C16orf89: variants seen among roughly 807,000 people sequenced by gnomAD.
C16orf89 encodes chromosome 16 open reading frame 89, also known as UPF0764 protein C16orf89.
Under a neutral mutation model 41.5 loss-of-function variants are expected in C16orf89, and 57 were observed. The observed-to-expected ratio is 1.38, with a 90% CI of 1.11 to 1.71. The LOEUF (loss-of-function observed/expected upper bound fraction) is 1.71, where lower values mean the gene tolerates loss of function less well. C16orf89 is among the 40% of genes most tolerant of loss of function. The probability of loss-of-function intolerance (pLI) is 0.00; values close to 1 mark genes in which losing one functional copy is unlikely to be tolerated. For synonymous variants in C16orf89, 223 were observed against 190.6 expected, an observed-to-expected ratio of 1.17 and a Z score of -1.40; for missense variants, 575 against 445.9, an observed-to-expected ratio of 1.29 and a Z score of -2.61.
At chr16:5,044,577 T>G in intron 7 of C16orf89, 99 bp from the exon 8 acceptor site, 1 of 1,546,366 alleles carries the variant, frequency 6.5e-7, no homozygotes, top group Non-Finnish European at 8.7e-7. Flanking sequence ...ACGCGGTGGC[T>G]CACACCTATA....
rs868400538 is a variant in C16orf89, at chr16:5,062,660, G to A, written c.209-86C>T. ...GAACAAGAAAAAAAAATGCCCCAAA[G>A]TCTAATGCTTCCTGGGAGCCTCTCT... On this transcript the variant is annotated intron_variant, in intron 1 of 7. Coordinates refer to ENST00000472572, the MANE Select transcript of C16orf89 (RefSeq NM_001098514.3). 1.9e-5 allele frequency: 27 copies of A among 1,384,824 alleles called. No individual in the cohort carries two copies. In the South Asian group the frequency reaches 3.1e-4, roughly 16 times the overall value. The allele number at this position is 1,384,824 out of a possible 1,614,324, so 85.8% of individuals were successfully genotyped here. A position where few individuals can be genotyped will look rare whatever the true frequency, so the allele number is the denominator to read the frequency against.
chr16:5,063,947 T>C (rs530053995), intron 1 of C16orf89, among the ~76,000 whole-genome samples: 147 of 152,104 alleles, frequency 9.7e-4, no homozygotes, highest in Middle Eastern at 3.4e-3. Flanking sequence ...GCCAACATGG[T>C]AAAACCTCAT....
At chr16:5,062,195 C>T (rs934299643) in intron 2 of C16orf89, among the ~76,000 whole-genome samples, 6 of 152,194 alleles carry the variant, frequency 3.9e-5, no homozygotes, top group African/African-American at 7.2e-5. Flanking sequence ...AGAAGACACC[C>T]TGCTTCCTCT....
At chr16:5,059,784 A>G (rs1430373398) in intron 3 of C16orf89, among the ~76,000 whole-genome samples, 1 of 152,158 alleles carries the variant, frequency 6.6e-6, no homozygotes, top group East Asian at 1.9e-4. Flanking sequence ...TGTGGCTATA[A>G]GAGGTGCCAG....
At chr16:5,063,927 G>A (rs1054966414) in intron 1 of C16orf89, among the ~76,000 whole-genome samples, 3 of 152,128 alleles carry the variant, frequency 2.0e-5, no homozygotes, top group African/African-American at 7.2e-5. Context: ...AGGAGTTCAA[G>A]ACCAGCATGG....
At chr16:5,050,777 A>C (rs752851323) in intron 6 of C16orf89, among the ~76,000 whole-genome samples, 6 of 152,210 alleles carry the variant, frequency 3.9e-5, no homozygotes, top group African/African-American at 9.6e-5. Flanking sequence ...ACACATTAAA[A>C]ACCATTCATG....
At chr16:5,064,933 T>C (rs922045779) in intron 1 of C16orf89, among the ~76,000 whole-genome samples, 2 of 152,222 alleles carry the variant, frequency 1.3e-5, no homozygotes, top group Non-Finnish European at 2.9e-5. Context: ...GGCACTGAAG[T>C]ACCCCATGCA....
At chr16:5,048,978 C>T (rs576627286) in intron 6 of C16orf89, among the ~76,000 whole-genome samples, 1 of 152,090 alleles carries the variant, frequency 6.6e-6, no homozygotes, top group Non-Finnish European at 1.5e-5. Flanking sequence ...AAGAATCTCA[C>T]TTCACTGGTA....
At chr16:5,048,118 C>T (rs949670143) in intron 6 of C16orf89, among the ~76,000 whole-genome samples, 154 bp from the exon 7 acceptor site, 6 of 152,144 alleles carry the variant, frequency 3.9e-5, no homozygotes, top group African/African-American at 1.4e-4. Context: ...ACCTCGAACT[C>T]CCAAGCTCAC....
chr16:5,052,291 C>A (rs1224675366), intron 6 of C16orf89, among the ~76,000 whole-genome samples: 1 of 151,724 alleles, frequency 6.6e-6, no homozygotes, highest in East Asian at 1.9e-4. Flanking sequence ...TGGCTACTAT[C>A]AAAAAGACAA....
At chr16:5,058,469 G>C (rs773371565) in intron 4 of C16orf89, 24 bp downstream of exon 4, 2 of 1,559,380 alleles carry the variant, frequency 1.3e-6, no homozygotes, top group Admixed American at 1.7e-5. Flanking sequence ...CCCCTGGCAC[G>C]GCGGGGGCTC....
intron 6 of C16orf89, 90 bp downstream of exon 6, chr16:5,055,156 A>G: frequency 9.3e-7 from 1 of 1,077,002 alleles, no homozygotes; most frequent in Non-Finnish European, 1.4e-6. Context: ...CCTTAACACC[A>G]ATGCATTGTT....
In C16orf89 at chr16:5,044,221, CG is replaced by C. The variant is rs1956250912; in HGVS notation, c.*126del. 7.0e-7 allele frequency: 1 copy of C among 1,423,986 alleles called. No homozygotes were observed. The highest frequency in any genetic ancestry group is 9.1e-7 in the Non-Finnish European group (1 of 1,094,438). 88.2% of individuals were successfully genotyped at this position (1,423,986 alleles called of 1,614,324 possible). On this transcript the variant is annotated 3_prime_UTR_variant, in exon 8 of 8. Transcript: ENST00000472572. ...ACTCAGGGCTTCCAAGATTGGGTGT[CG>C]GGGTGGCTTTGCTTATCCTCCAGAT...
chr16:5,044,036 G>T, downstream of C16orf89: 54 of 671,720 alleles, frequency 8.0e-5, no homozygotes, highest in South Asian at 3.5e-4. Context: ...AAAAGAATTT[G>T]TGTTGAGTGG....
chr16:5,062,249 C>G (rs905658632), intron 2 of C16orf89, among the ~76,000 whole-genome samples, 176 bp downstream of exon 2: 5 of 152,160 alleles, frequency 3.3e-5, no homozygotes. Context: ...AGTCTGAAGT[C>G]AAGGATGACC....
intron 6 of C16orf89, among the ~76,000 whole-genome samples, chr16:5,049,231 G>C (rs890151537): frequency 1.3e-5 from 2 of 152,134 alleles, no homozygotes; most frequent in African/African-American, 2.4e-5. Flanking sequence ...TAAAGGGAGA[G>C]ATAGACTCCA....
At chr16:5,049,997 A>C (rs1956368647) in intron 6 of C16orf89, among the ~76,000 whole-genome samples, 1 of 152,196 alleles carries the variant, frequency 6.6e-6, no homozygotes. Context: ...AATCAGAAAG[A>C]AAAAGGAACT....
intron 6 of C16orf89, among the ~76,000 whole-genome samples, chr16:5,053,370 T>TA (rs540783117): frequency 6.7e-5 from 10 of 148,706 alleles, no homozygotes; most frequent in South Asian, 2.1e-4. Flanking sequence ...ACTCCATCTC[T>TA]AAAAAAAAAG....
At chr16:5,055,553 C>A in intron 5 of C16orf89, 1 of 1,078,846 alleles carries the variant, frequency 9.3e-7, no homozygotes, top group East Asian at 2.6e-5. Flanking sequence ...CCGCCTCCCA[C>A]TGAGGGCCTT....
Sources: gnomAD v4.1 joint callset for allele counts (sites outside exome capture counted in the v4.1 genomes callset) on GRCh38, gnomAD v4.1.1 for gene constraint, MANE v1.5 for transcripts, NCBI Gene and HGNC (gene_info 2026-07-23, HGNC 2026-07-21) for gene names.